The following ASH1L variants were observed in gnomAD, a reference collection of about 807,000 sequenced individuals.
The protein encoded by ASH1L is histone-lysine N-methyltransferase ASH1L.
Under a neutral mutation model 269.0 loss-of-function variants are expected in ASH1L, and 23 were observed. The ratio of observed to expected loss-of-function variants is 0.09; its 90% CI spans 0.06 to 0.12. The LOEUF (loss-of-function observed/expected upper bound fraction) is 0.12. ASH1L is among the 10% of genes least tolerant of loss of function. The pLI is 1.00. For missense variants in ASH1L, 2,912 were observed against 3,567.8 expected, an observed-to-expected ratio of 0.82 and a Z score of 4.68; for synonymous variants, 1,187 against 1,253.5, an observed-to-expected ratio of 0.95 and a Z score of 1.12.
At chr1:155,345,828 CTT>C (rs547656258) in intron 21 of ASH1L, 91 of 143,992 alleles carry the variant, frequency 6.3e-4, no homozygotes, top group South Asian at 2.6e-3. Flanking sequence ...TGCACCCGGC[CTT>C]TTTTTTTTTT....
chr1:155,457,158 T>A (rs1663919361), intron 4 of ASH1L, among the ~76,000 whole-genome samples: 1 of 152,202 alleles, frequency 6.6e-6, no homozygotes, highest in South Asian at 2.1e-4. Context: ...TTTAAGCCTC[T>A]GAGATTTGGG....
chr1:155,446,777 G>A (rs567189341), intron 4 of ASH1L, among the ~76,000 whole-genome samples: 288 of 151,416 alleles, frequency 1.9e-3, no homozygotes, highest in African/African-American at 6.7e-3. Flanking sequence ...GCCCGCCACC[G>A]CGCCCGGCTA....
At chr1:155,357,291 A>T in intron 15 of ASH1L, 25 bp downstream of exon 15, 1 of 1,566,760 alleles carries the variant, frequency 6.4e-7, no homozygotes, top group Non-Finnish European at 8.8e-7. Flanking sequence ...TACAAAGAAC[A>T]TGGATAAGGA....
In ASH1L at chr1:155,352,576, A is replaced by G. The variant is rs973655562; in HGVS notation, c.7366+130T>C. On this transcript the variant is annotated intron_variant, in intron 17 of 27. Coordinates refer to ENST00000392403, the MANE Select transcript of ASH1L (RefSeq NM_018489.3). ...TCCCAGCACTTTGGGAGGCCTAGACAGAAGGATCACTTGAGCCCAGGAGTC... is the reference window on the plus strand; with the variant it reads ...TCCCAGCACTTTGGGAGGCCTAGACGGAAGGATCACTTGAGCCCAGGAGTC... The G allele has an allele frequency of 5.4e-6, 5 of 921,220 alleles. No homozygotes were observed. In the African/African-American group the frequency reaches 8.6e-5, roughly 16 times the overall value. The allele number at this position is 921,220 out of a possible 1,614,324, so 57.1% of individuals were successfully genotyped here.
chr1:155,522,559 C>T (rs971488738), intron 1 of ASH1L, among the ~76,000 whole-genome samples: 12 of 152,054 alleles, frequency 7.9e-5, no homozygotes, highest in Admixed American at 4.6e-4. Flanking sequence ...TTAAAACTAG[C>T]GTGCTAATTT....
At chr1:155,341,869 C>G in intron 25 of ASH1L, 67 bp downstream of exon 25, 1 of 1,528,114 alleles carries the variant, frequency 6.5e-7, no homozygotes, top group Non-Finnish European at 9.0e-7. Context: ...AAGATTTTCG[C>G]TCAGTGAATT....
rs147185606 is a variant in ASH1L at position 155,438,779 on chromosome 1, G to T, written c.5376C>A (p.Pro1792=). 3.1e-6 allele frequency: 5 copies of T among 1,613,984 alleles called. No individual in the cohort carries two copies. In the East Asian group the frequency reaches 6.7e-5, roughly 22 times the overall value. Residue 1792 remains proline (P), a synonymous_variant, in exon 5 of 28, where the codon CCC becomes CCA. Coordinates refer to ENST00000392403, the MANE Select transcript of ASH1L (RefSeq NM_018489.3). ...CCACTACACTTCTCTTGATATGATGGGGGGAACAGCTGCTTGTCAACTTTT... is the reference window on the plus strand; with the variant it reads ...CCACTACACTTCTCTTGATATGATGTGGGGAACAGCTGCTTGTCAACTTTT... ...LSEKLTSSCS[P]HHIKRSVVEA... is the part of the protein sequence containing the mutation.
At position 155,480,635 on chromosome 1, in the gene ASH1L, A is replaced by C. The variant is rs747039881; in HGVS notation, c.2235T>G (p.Val745=). 3 of 1,614,100 alleles carry C rather than the reference A, an allele frequency of 1.9e-6. No individual in the cohort carries two copies. The highest frequency in any genetic ancestry group is 2.5e-6 in the Non-Finnish European group (3 of 1,179,996). The change falls in exon 3 of 28, where the codon GTT becomes GTG. Residue 745 remains valine, a synonymous_variant. Coordinates refer to ENST00000392403, the MANE Select transcript of ASH1L (RefSeq NM_018489.3). The part of the protein sequence containing the change: ...ELERSELFKN[V]SCSSLSNSNS... ...TACTATTTGATAGTGAGCTACATGA[A>C]ACGTTTTTAAAAAGCTCTGATCTTT...
intron 2 of ASH1L, among the ~76,000 whole-genome samples, chr1:155,500,844 T>C (rs1252236910): frequency 6.6e-6 from 1 of 152,184 alleles, no homozygotes; most frequent in Non-Finnish European, 1.5e-5. Context: ...GGCACATGCC[T>C]GTAATCTCAG....
At chr1:155,429,502 G>A (rs934716786) in intron 5 of ASH1L, among the ~76,000 whole-genome samples, 2 of 152,086 alleles carry the variant, frequency 1.3e-5, no homozygotes, top group African/African-American at 2.4e-5. Context: ...GGGTTCAAGC[G>A]ATCCACACGC....
chr1:155,419,072 TA>T (rs1008899887), intron 5 of ASH1L, among the ~76,000 whole-genome samples: 15 of 150,658 alleles, frequency 1.0e-4, no homozygotes, highest in African/African-American at 3.2e-4. Context: ...ATTAATTAAT[TA>T]AACAAAAAAG....
chr1:155,504,067 A>C (rs1667667281), intron 2 of ASH1L, among the ~76,000 whole-genome samples: 1 of 152,182 alleles, frequency 6.6e-6, no homozygotes, highest in Non-Finnish European at 1.5e-5. Flanking sequence ...AATGACATTC[A>C]TTTGTAAAGA....
chr1:155,477,771 T>C (rs557837581), intron 3 of ASH1L, 115 bp downstream of exon 3: 1 of 988,442 alleles, frequency 1.0e-6, no homozygotes, highest in South Asian at 3.3e-5. Context: ...CAAAATACAC[T>C]TATTAAAAAA....
rs370694359 is a variant in ASH1L at position 155,478,323 on chromosome 1, C to A, written c.4547G>T (p.Arg1516Leu). ...SSRSVLESLK[R>L]YRFGKDAVGE... is the part of the protein sequence containing the mutation. Reference sequence around the variant, plus strand: ...AACAGCATCCTTTCCAAATCTATAGCGCTTCAAAGATTCCAGGACAGATCG... The same window carrying A: ...AACAGCATCCTTTCCAAATCTATAGAGCTTCAAAGATTCCAGGACAGATCG... The change falls in exon 3 of 28, where the codon CGC becomes CTC. Residue 1516 changes from arginine (R) to leucine (L), a missense_variant. Physicochemically the swap from Arg to Leu is moderately radical, Grantham distance 102 (BLOSUM62 -2). Coordinates refer to ENST00000392403, the MANE Select transcript of ASH1L (RefSeq NM_018489.3). The surrounding 1 kb of genome is among the most constrained non-coding windows in gnomAD (Gnocchi z 4.6). 1.2e-6 allele frequency: 2 copies of A among 1,613,926 alleles called. No individual in the cohort carries two copies. The highest frequency in any genetic ancestry group is 1.7e-6 in the Non-Finnish European group (2 of 1,180,020).
chr1:155,360,285 G>A lies in ASH1L; in HGVS notation c.6795+16C>T. The stretch of plus-strand genomic sequence containing the variant: ...GGGATAAAGTTCAATCTCCCTCTAG[G>A]ATTTATTATTCTTACCTGTTTTTCC... On this transcript the variant is annotated intron_variant, in intron 13 of 27. Coordinates refer to ENST00000392403, the MANE Select transcript of ASH1L (RefSeq NM_018489.3). The A allele has an allele frequency of 6.6e-7, 1 of 1,515,328 alleles. No individual in the cohort carries two copies. Among genetic ancestry groups the A allele is most frequent in the Non-Finnish European group, 9.2e-7 (1 of 1,090,444 alleles). The allele number at this position is 1,515,328 out of a possible 1,614,324, so 93.9% of individuals were successfully genotyped here.
rs1227850302 is a variant in ASH1L at position 155,416,930 on chromosome 1, CT to C, written c.5829-1008del. 6.1e-4 allele frequency among the ~76,000 whole-genome samples: 75 copies of C among 122,926 alleles called. 1 individual carries two copies. The highest frequency in any genetic ancestry group is 2.1e-3 in the Admixed American group (25 of 11,636). 80.6% of individuals were successfully genotyped at this position (122,926 alleles called of 152,430 possible). A position where few individuals can be genotyped will look rare whatever the true frequency, so the allele number is the denominator to read the frequency against. Reference sequence around the variant, plus strand: ...CTTTCTTTTTCTTTTCTTTCCTTTTCTTTTTTTTTTTTCTTTTTTGAGACGG... The same window carrying C: ...CTTTCTTTTTCTTTTCTTTCCTTTTCTTTTTTTTTTTCTTTTTTGAGACGG... On this transcript the variant is annotated intron_variant, in intron 5 of 27. Transcript: ENST00000392403.
At chr1:155,535,777 C>T (rs577581036) in intron 1 of ASH1L, among the ~76,000 whole-genome samples, 2 of 152,100 alleles carry the variant, frequency 1.3e-5, no homozygotes, top group South Asian at 2.1e-4. Context: ...GCAGATCACC[C>T]GAGGTTGGGT....
chr1:155,482,256 T>A lies in ASH1L; in HGVS notation c.614A>T (p.Lys205Met). 6.2e-7 allele frequency: 1 copy of A among 1,614,184 alleles called. No homozygotes were observed. The highest frequency in any genetic ancestry group is 8.5e-7 in the Non-Finnish European group (1 of 1,180,012). ...TCCTCCATTAAGTAATGCTCTGTCC[T>A]TTAAATCAGGATCCCGGCTACCAAG... ...TLLGSRDPDL[K>M]DRALLNGGTS... The change falls in exon 3 of 28, where the codon AAG becomes ATG. Residue 205 changes from lysine (K) to methionine (M), a missense_variant. Lys to Met is a moderately conservative substitution (Grantham distance 95). Transcript: ENST00000392403.
At chr1:155,372,378 A>G (rs1656039423) in intron 10 of ASH1L, among the ~76,000 whole-genome samples, 1 of 151,364 alleles carries the variant, frequency 6.6e-6, no homozygotes, top group Non-Finnish European at 1.5e-5. Flanking sequence ...GCTAAATTTC[A>G]GCTCACTACA....
Sources: allele counts gnomAD v4.1 joint callset (sites outside exome capture counted in the v4.1 genomes callset), GRCh38; gene constraint gnomAD v4.1.1; non-coding constraint Gnocchi (gnomAD v3.1); transcripts MANE v1.5; gene names NCBI Gene and HGNC (gene_info 2026-07-23, HGNC 2026-07-21).